Variants in FBXL13 observed in about 807,000 individuals in gnomAD.
FBXL13 encodes the protein F-box and leucine-rich repeat protein 13.
Under a neutral mutation model 83.6 loss-of-function variants are expected in FBXL13, and 67 were observed. The observed-to-expected ratio is 0.80, with a 90% CI of 0.66 to 0.98. FBXL13 has a LOEUF of 0.98. FBXL13 is among the 50% of genes least tolerant of loss of function. The pLI is 0.00. For missense variants in FBXL13, 822 were observed against 866.5 expected (o/e 0.95, Z 0.64); for synonymous variants, 272 against 299.5 (o/e 0.91, Z 0.95).
intron 11 of FBXL13, among the ~76,000 whole-genome samples, chr7:102,897,430 A>G (rs1268664891): frequency 6.6e-6 from 1 of 152,180 alleles, no homozygotes; most frequent in African/African-American, 2.4e-5. Flanking sequence ...AAGAATGCAT[A>G]GAGATTTAAG....
chr7:102,989,575 G>A (rs558837934), intron 6 of FBXL13, among the ~76,000 whole-genome samples: 7 of 152,368 alleles, frequency 4.6e-5, no homozygotes, highest in African/African-American at 1.4e-4. Flanking sequence ...TGACCTGAAT[G>A]CAAGATGCAT....
At chr7:102,825,154 A>G (rs1799408111) in intron 18 of FBXL13, among the ~76,000 whole-genome samples, 1 of 152,208 alleles carries the variant, frequency 6.6e-6, no homozygotes, top group Admixed American at 6.5e-5. Flanking sequence ...CCCTTAGGAT[A>G]GATTTCAGAA....
intron 8 of FBXL13, among the ~76,000 whole-genome samples, chr7:102,938,469 G>A (rs542745623): frequency 6.6e-6 from 1 of 152,298 alleles, no homozygotes; most frequent in South Asian, 2.1e-4. Context: ...ATTACCTGGA[G>A]AAATTTCCTA....
At chr7:102,909,555 G>T (rs2129468219) in intron 11 of FBXL13, among the ~76,000 whole-genome samples, 1 of 151,296 alleles carries the variant, frequency 6.6e-6, no homozygotes, top group East Asian at 2.0e-4. Flanking sequence ...TAGTAGCTGG[G>T]TATTGCTGCT....
At chr7:102,832,704 T>C (rs989824396) in intron 18 of FBXL13, 136 bp downstream of exon 19, 12 of 1,073,732 alleles carry the variant, frequency 1.1e-5, no homozygotes, top group South Asian at 6.1e-5. Flanking sequence ...AATTTGAGGA[T>C]AGAAGAAAAA....
At chr7:103,024,996 G>A in intron 6 of FBXL13, 67 bp downstream of exon 7, 1 of 1,261,836 alleles carries the variant, frequency 7.9e-7, no homozygotes, top group Non-Finnish European at 1.1e-6. Context: ...AAGCAGCTGG[G>A]ATTACAGGCA....
chr7:102,999,152 A>C (rs967566773), intron 6 of FBXL13, among the ~76,000 whole-genome samples: 2 of 152,078 alleles, frequency 1.3e-5, no homozygotes, highest in Non-Finnish European at 2.9e-5. Context: ...AATTTTATTA[A>C]ATGCTTTTTC....
At chr7:103,060,748 T>G (rs1797822892) in intron 1 of FBXL13, among the ~76,000 whole-genome samples, 1 of 152,120 alleles carries the variant, frequency 6.6e-6, no homozygotes, top group African/African-American at 2.4e-5. Flanking sequence ...ATATAAAAAA[T>G]AATTACTCCA....
intron 1 of FBXL13, among the ~76,000 whole-genome samples, chr7:103,073,370 C>G (rs1799209733): frequency 6.6e-6 from 1 of 152,094 alleles, no homozygotes; most frequent in South Asian, 2.1e-4. Flanking sequence ...GTAGTCCTAG[C>G]TACTTGGGAG....
chr7:102,822,157 A>C (rs767800178), exon 19 of FBXL13: 3 of 1,614,040 alleles, frequency 1.9e-6, no homozygotes, highest in South Asian at 2.2e-5. Flanking sequence ...CAAAATGTGC[A>C]GGTAATGGCA....
chr7:103,017,829 A>G (rs1047805457), intron 6 of FBXL13, among the ~76,000 whole-genome samples: 4 of 152,256 alleles, frequency 2.6e-5, no homozygotes, highest in African/African-American at 9.6e-5. Flanking sequence ...GATTATGTGA[A>G]AAGACCAAAC....
At position 102,983,269 on chromosome 7, in the gene FBXL13, C is replaced by T. The variant is rs566412215; in HGVS notation, c.496-15152G>A. Among the ~76,000 whole-genome samples, 22 of 152,176 alleles carry T rather than the reference C, an allele frequency of 1.4e-4. No individual in the cohort carries two copies. The South Asian group carries it at 3.5e-3, about 24-fold the overall frequency. ...GGAGAAGCCACTAGCACTGGGAGTGCGGAGGCCACTTCCACTAGCAGTAGG... is the reference window on the plus strand; with the variant it reads ...GGAGAAGCCACTAGCACTGGGAGTGTGGAGGCCACTTCCACTAGCAGTAGG... On this transcript the variant is annotated intron_variant, in intron 6 of 19. Transcript: ENST00000313221.
At chr7:103,032,774 A>C (rs1186571065) in intron 2 of FBXL13, among the ~76,000 whole-genome samples, 1 of 152,238 alleles carries the variant, frequency 6.6e-6, no homozygotes. Flanking sequence ...TCACACTTGC[A>C]ATCCCAAAAC....
At chr7:102,903,062 A>G (rs968378831) in intron 11 of FBXL13, among the ~76,000 whole-genome samples, 2 of 152,016 alleles carry the variant, frequency 1.3e-5, no homozygotes, top group Non-Finnish European at 2.9e-5. Context: ...ATGAACACAG[A>G]ATGTTTTTCC....
intron 1 of FBXL13, among the ~76,000 whole-genome samples, chr7:103,058,792 C>G (rs1444932163): frequency 6.6e-6 from 1 of 152,128 alleles, no homozygotes; most frequent in Non-Finnish European, 1.5e-5. Context: ...AAGTTGAGAT[C>G]TGGTTAATGT....
intron 6 of FBXL13, among the ~76,000 whole-genome samples, chr7:103,004,477 T>G (rs913943075): frequency 1.3e-5 from 2 of 152,194 alleles, no homozygotes; most frequent in Non-Finnish European, 2.9e-5. Context: ...GTGTCTCCTT[T>G]GGCTAAGATA....
Position 102,934,375 on chromosome 7 carries a change from C to T in FBXL13, c.725-2442G>A, listed in dbSNP as rs561897848. 1.3e-5 allele frequency: 21 copies of T among 1,614,192 alleles called. No individual in the cohort carries two copies. The South Asian group carries it at 2.3e-4, about 18-fold the overall frequency. ...AGGAAGTGTTCATTTACACACCTCT[C>T]TTGAGCTACCTGCGTCTTTATGACA... On this transcript the variant is annotated intron_variant, in intron 8 of 19. Coordinates refer to ENST00000313221, the Ensembl canonical transcript of FBXL13.
intron 19 of FBXL13, among the ~76,000 whole-genome samples, chr7:102,821,597 G>C (rs1798815516): frequency 6.6e-6 from 1 of 152,130 alleles, no homozygotes; most frequent in African/African-American, 2.4e-5. Flanking sequence ...GTCAGGGAAT[G>C]GTCAAGGATT....
At chr7:102,997,209 G>GAA (rs1384748059) in intron 6 of FBXL13, among the ~76,000 whole-genome samples, 1 of 152,080 alleles carries the variant, frequency 6.6e-6, no homozygotes, top group East Asian at 1.9e-4. Context: ...AATGACCGCG[G>GAA]AAAACATTCA....
Sources: gnomAD v4.1 joint callset for allele counts (sites outside exome capture counted in the v4.1 genomes callset) on GRCh38, gnomAD v4.1.1 for gene constraint, MANE v1.5 for transcripts, NCBI Gene and HGNC (gene_info 2026-07-23, HGNC 2026-07-21) for gene names.